KCTD1: variants seen among roughly 807,000 people sequenced by gnomAD.
The protein encoded by KCTD1 is potassium channel tetramerization domain containing 1, also known as BTB/POZ domain-containing protein KCTD1.
KCTD1 carries 24 observed loss-of-function variants against 66.0 expected under a neutral mutation model. The observed-to-expected ratio is 0.36, with a 90% confidence interval of 0.26 to 0.51. The LOEUF is 0.51. KCTD1 is among the 20% of genes least tolerant of loss of function. The probability of loss-of-function intolerance (pLI) is 0.95; values close to 1 mark genes in which losing one functional copy is unlikely to be tolerated. For synonymous variants in KCTD1, 511 were observed against 517.2 expected (o/e 0.99, Z 0.16); for missense variants, 943 against 1,205.2 (o/e 0.78, Z 3.22).
chr18:26,525,397 C>A (rs895695102), intron 1 of KCTD1, among the ~76,000 whole-genome samples: 10 of 152,314 alleles, frequency 6.6e-5, no homozygotes, highest in Admixed American at 2.6e-4. Flanking sequence ...GATGTGATTA[C>A]CTTTTGTGAG....
At chr18:26,594,131 G>A (rs904660705) in intron 1 of KCTD1, among the ~76,000 whole-genome samples, 4 of 152,160 alleles carry the variant, frequency 2.6e-5, no homozygotes, top group African/African-American at 9.7e-5. Flanking sequence ...CTCCTCTTCT[G>A]CTCTCCAGGC....
Position 26,455,368 on chromosome 18 carries a change from G to A in KCTD1, c.*375C>T, listed in dbSNP as rs1980003510. On this transcript the variant is annotated 3_prime_UTR_variant, in exon 5 of 5. Transcript: ENST00000580059. ...AAAGAAATATGGATGGCTGTTGTTG[G>A]CAATGGAAACTGTAAGGAGACTGTG... 1.3e-5 allele frequency: 2 copies of A among 153,686 alleles called. No homozygotes were observed. The highest frequency in any genetic ancestry group is 2.9e-5 in the Non-Finnish European group (2 of 68,890). 9.5% of individuals were successfully genotyped at this position (153,686 alleles called of 1,614,324 possible). A position where few individuals can be genotyped will look rare whatever the true frequency, so the allele number is the denominator to read the frequency against.
At chr18:26,562,884 C>T (rs1264060889) in intron 1 of KCTD1, among the ~76,000 whole-genome samples, 1 of 152,098 alleles carries the variant, frequency 6.6e-6, no homozygotes, top group Non-Finnish European at 1.5e-5. Context: ...CACCCTTATG[C>T]CCTTGTTTAA....
intron 1 of KCTD1, among the ~76,000 whole-genome samples, chr18:26,516,423 T>G (rs16942388): frequency 0.3 from 45,821 of 151,978 alleles, 7,884 homozygotes; most frequent in East Asian, 0.62. Context: ...AGGTCCTGCA[T>G]TTTGCTTCAG....
intron 1 of KCTD1, among the ~76,000 whole-genome samples, chr18:26,520,505 C>T (rs956904716): frequency 4.0e-5 from 6 of 150,438 alleles, no homozygotes; most frequent in African/African-American, 1.2e-4. Flanking sequence ...AAGATTTATA[C>T]GAAGACAATT....
At chr18:26,593,549 CGAGGAGGAG>C (rs1288982067) in intron 1 of KCTD1, among the ~76,000 whole-genome samples, 1 of 43,884 alleles carries the variant, frequency 2.3e-5, no homozygotes, top group African/African-American at 1.0e-4. Context: ...AGGAAGAAGA[CGAGGAGGAG>C]GAGGAGGAGG....
chr18:26,656,318 G>GCCCCCACCCCCTCCCCGCCT, intron 1 of KCTD1, among the ~76,000 whole-genome samples: 2 of 151,982 alleles, frequency 1.3e-5, no homozygotes, highest in East Asian at 3.9e-4. Context: ...TCCCAGCGCC[G>GCCCCCACCCCCTCCCCGCCT]CCCCCACCCC....
At chr18:26,632,762 C>T (rs964594407), upstream of KCTD1, among the ~76,000 whole-genome samples, 1 of 151,998 alleles carries the variant, frequency 6.6e-6, no homozygotes, top group Non-Finnish European at 1.5e-5. Flanking sequence ...ATAGCTACAT[C>T]TATATGAATA....
intron 1 of KCTD1, among the ~76,000 whole-genome samples, chr18:26,657,178 C>T: frequency 6.6e-6 from 1 of 151,508 alleles, no homozygotes; most frequent in East Asian, 2.0e-4. Context: ...GAGGAGGCGG[C>T]GGCCCCTGCC....
At chr18:26,597,663 T>TG (rs1986797963) in intron 1 of KCTD1, among the ~76,000 whole-genome samples, 1 of 150,336 alleles carries the variant, frequency 6.7e-6, no homozygotes, top group African/African-American at 2.4e-5. Flanking sequence ...TTGGTGTTTT[T>TG]TTTTTTTTTT....
At position 26,517,071 on chromosome 18, in the gene KCTD1, G is replaced by GGGGGAGCT. The variant is rs1002486813; in HGVS notation, c.1810-15829_1810-15822dup. On this transcript the variant is annotated intron_variant, in intron 1 of 4. Transcript: ENST00000580059. ...TGCACAGTAAAAACTCCAGTAACCAGGGGGAGCTAGGCAGCCTGTGCTCAC... is the reference window on the plus strand; with the variant it reads ...TGCACAGTAAAAACTCCAGTAACCAGGGGGAGCTGGGGAGCTAGGCAGCCTGTGCTCAC... Among the ~76,000 whole-genome samples, 5 of 152,166 alleles carry GGGGGAGCT rather than the reference G, an allele frequency of 3.3e-5. 1 individual carries two copies. The South Asian group carries it at 8.3e-4, about 25-fold the overall frequency.
intron 1 of KCTD1, among the ~76,000 whole-genome samples, chr18:26,585,857 C>T (rs969407399): frequency 3.3e-5 from 5 of 152,116 alleles, no homozygotes; most frequent in African/African-American, 1.2e-4. Flanking sequence ...GCTTGGGCAA[C>T]ATAGTGAGAC....
At chr18:26,500,169 C>T (rs901086585) in intron 2 of KCTD1, among the ~76,000 whole-genome samples, 1 of 151,984 alleles carries the variant, frequency 6.6e-6, no homozygotes, top group African/African-American at 2.4e-5. Flanking sequence ...AGAGTCCCAG[C>T]ACTTTCGGAG....
chr18:26,626,375 T>A (rs1001336827), intron 1 of KCTD1, among the ~76,000 whole-genome samples: 1 of 151,692 alleles, frequency 6.6e-6, no homozygotes, highest in African/African-American at 2.4e-5. Context: ...TATTGGTAAG[T>A]TCAATGAAGA....
At chr18:26,607,404 T>C (rs1323148101) in intron 1 of KCTD1, among the ~76,000 whole-genome samples, 1 of 152,236 alleles carries the variant, frequency 6.6e-6, no homozygotes, top group African/African-American at 2.4e-5. Context: ...CAGCCATTTC[T>C]CCTTTTGGCT....
At chr18:26,640,068 C>T (rs562671652) in intron 1 of KCTD1, among the ~76,000 whole-genome samples, 5 of 152,090 alleles carry the variant, frequency 3.3e-5, no homozygotes, top group African/African-American at 7.2e-5. Flanking sequence ...GTGGTGGCCA[C>T]GGCAATGGTC....
At chr18:26,471,994 C>T (rs1301922042) in intron 3 of KCTD1, among the ~76,000 whole-genome samples, 2 of 151,952 alleles carry the variant, frequency 1.3e-5, no homozygotes, top group African/African-American at 4.8e-5. Context: ...ACAGATCACA[C>T]GTGGGAGGCG....
chr18:26,622,801 C>T (rs1987415431), intron 1 of KCTD1, among the ~76,000 whole-genome samples: 1 of 151,966 alleles, frequency 6.6e-6, no homozygotes, highest in African/African-American at 2.4e-5. Context: ...GGCTCTGGGG[C>T]TGCAGAGGGT....
chr18:26,647,507 G>A, intron 1 of KCTD1, among the ~76,000 whole-genome samples: 1 of 83,400 alleles, frequency 1.2e-5, no homozygotes, highest in South Asian at 5.5e-4. Context: ...GAAACAGAGT[G>A]AGACTCCATC....
Sources: gnomAD v4.1 joint callset for allele counts (sites outside exome capture counted in the v4.1 genomes callset) on GRCh38, gnomAD v4.1.1 for gene constraint, MANE v1.5 for transcripts, NCBI Gene and HGNC (gene_info 2026-07-23, HGNC 2026-07-21) for gene names.